Variants in LOXHD1 observed in about 807,000 individuals in gnomAD.
LOXHD1 encodes lipoxygenase homology domain-containing protein 1.
LOXHD1 carries 205 observed loss-of-function variants against 248.2 expected under a neutral mutation model. The ratio of observed to expected loss-of-function variants is 0.83; its 90% CI spans 0.74 to 0.93. The LOEUF (loss-of-function observed/expected upper bound fraction) is 0.93, where lower values mean the gene tolerates loss of function less well. LOXHD1 is among the 40% of genes least tolerant of loss of function. The pLI is 0.00. For synonymous variants in LOXHD1, 1,113 were observed against 1,162.8 expected, an observed-to-expected ratio of 0.96 and a Z score of 0.87; for missense variants, 2,930 against 2,971.6, an observed-to-expected ratio of 0.99 and a Z score of 0.33.
At position 46,639,765 on chromosome 18, in the gene LOXHD1, C is replaced by A; in HGVS notation, c.362G>T (p.Trp121Leu). The change falls in exon 4 of 41, where the codon TGG becomes TTG. Residue 121 changes from tryptophan (W) to leucine (L), a missense_variant. Physicochemically the swap from Trp to Leu is moderately conservative, Grantham distance 61. Coordinates refer to ENST00000642948, the MANE Select transcript of LOXHD1 (RefSeq NM_001384474.1). ...EHDNTGLNAS[W>L]YLDHVIVTDM... is the part of the protein sequence containing the mutation. The stretch of plus-strand genomic sequence containing the variant: ...GGTCACAATCACATGGTCCAGGTAC[C>A]AGCTGGCATTCAAGCCCGTGTTGTC... 1 of 1,551,706 alleles carries A rather than the reference C, an allele frequency of 6.4e-7. No individual in the cohort carries two copies. The highest frequency in any genetic ancestry group is 8.7e-7 in the Non-Finnish European group (1 of 1,147,008).
At chr18:46,503,687 A>G (rs972386245) in intron 37 of LOXHD1, among the ~76,000 whole-genome samples, 1 of 152,204 alleles carries the variant, frequency 6.6e-6, no homozygotes, top group African/African-American at 2.4e-5. Context: ...ATTTGCGAGT[A>G]TGTTTCTTTC....
At chr18:46,567,031 C>T (rs2037657102) in intron 16 of LOXHD1, among the ~76,000 whole-genome samples, 1 of 152,228 alleles carries the variant, frequency 6.6e-6, no homozygotes. Context: ...TTTCCAATAA[C>T]ACTCTATAAT....
chr18:46,492,912 A>G (rs548702081), intron 37 of LOXHD1, among the ~76,000 whole-genome samples: 1 of 152,218 alleles, frequency 6.6e-6, no homozygotes, highest in African/African-American at 2.4e-5. Flanking sequence ...ACAATGCTAT[A>G]ATATCCTTCC....
chr18:46,652,517 A>G (rs1309258698), intron 1 of LOXHD1, among the ~76,000 whole-genome samples: 1 of 152,222 alleles, frequency 6.6e-6, no homozygotes, highest in Non-Finnish European at 1.5e-5. Flanking sequence ...AGACACTGCC[A>G]TGTACCCACC....
chr18:46,588,047 C>T (rs189964685), intron 12 of LOXHD1, among the ~76,000 whole-genome samples: 36 of 152,254 alleles, frequency 2.4e-4, no homozygotes, highest in Admixed American at 5.2e-4. Context: ...AGACTCTCCT[C>T]TTAAGGGATT....
intron 1 of LOXHD1, among the ~76,000 whole-genome samples, chr18:46,651,360 A>G (rs1568235564): frequency 6.6e-6 from 1 of 152,144 alleles, no homozygotes; most frequent in Non-Finnish European, 1.5e-5. Flanking sequence ...TACCACAGGG[A>G]GGCTGATCAA....
intron 26 of LOXHD1, 51 bp downstream of exon 26, chr18:46,538,105 T>A: frequency 6.8e-7 from 1 of 1,472,072 alleles, no homozygotes; most frequent in Non-Finnish European, 9.2e-7. Flanking sequence ...GCTTCTCCTC[T>A]CCCTCTGTCT....
chr18:46,607,401 A>G lies in LOXHD1; in HGVS notation c.760-3172T>C, dbSNP rs1466992615. On this transcript the variant is annotated intron_variant, in intron 6 of 40. Coordinates refer to ENST00000642948, the MANE Select transcript of LOXHD1 (RefSeq NM_001384474.1). ...TATACATATATACGTACGTATATGT[A>G]CATATATACATATATATGGTGTCAT... is the stretch of plus-strand genomic sequence containing the variant. Among the ~76,000 whole-genome samples, 24 of 149,798 alleles carry G rather than the reference A, an allele frequency of 1.6e-4. 1 individual carries two copies. The highest frequency in any genetic ancestry group is 1.5e-3 in the Admixed American group (23 of 14,910).
intron 32 of LOXHD1, 108 bp from the exon 33 acceptor site, chr18:46,521,390 G>C: frequency 2.4e-6 from 3 of 1,237,280 alleles, no homozygotes; most frequent in East Asian, 5.1e-5. Context: ...CTGTGCACTT[G>C]CTGGCCCAGG....
chr18:46,601,651 C>T, intron 7 of LOXHD1, 184 bp from the exon 8 acceptor site: 6 of 768,950 alleles, frequency 7.8e-6, no homozygotes, highest in Non-Finnish European at 1.3e-5. Context: ...TTCATCTTTT[C>T]CAGAGTTTGT....
chr18:46,579,479 A>G lies in LOXHD1; in HGVS notation c.1809+151T>C, dbSNP rs1370827202. ...CCCAGTGGCTCTGCTGGGATTCCCC[A>G]GTTCCCCGCCCCCTTACCCAGAGTG... On this transcript the variant is annotated intron_variant, in intron 13 of 40. Transcript: ENST00000642948. 7.7e-6 allele frequency: 8 copies of G among 1,034,240 alleles called. No homozygotes were observed. In the Admixed American group the frequency reaches 1.9e-4, roughly 25 times the overall value. The allele number at this position is 1,034,240 out of a possible 1,614,324, so 64.1% of individuals were successfully genotyped here. A position where few individuals can be genotyped will look rare whatever the true frequency, so the allele number is the denominator to read the frequency against.
Position 46,607,781 on chromosome 18 carries a change from T to A in LOXHD1, c.759+2995A>T, listed in dbSNP as rs116635441. Among the ~76,000 whole-genome samples, 1,035 of 151,992 alleles carry A rather than the reference T, an allele frequency of 6.8e-3. 10 individuals carry two copies. The highest frequency in any genetic ancestry group is 0.024 in the African/African-American group (989 of 41,450). ...CTCAAGGAATGCAAAAAAGTAGAGATGACAGGAGTAAAGGGGAAGCTGCCG... is the reference window on the plus strand; with the variant it reads ...CTCAAGGAATGCAAAAAAGTAGAGAAGACAGGAGTAAAGGGGAAGCTGCCG... On this transcript the variant is annotated intron_variant, in intron 6 of 40. Transcript: ENST00000642948.
At chr18:46,542,306 C>G (rs1030719323) in intron 24 of LOXHD1, among the ~76,000 whole-genome samples, 1 of 152,150 alleles carries the variant, frequency 6.6e-6, no homozygotes, top group African/African-American at 2.4e-5. Context: ...CCTGTGTTTA[C>G]AAAAGCTTTA....
At chr18:46,559,386 G>T (rs1344540975) in intron 20 of LOXHD1, 62 bp downstream of exon 20, 5 of 1,550,946 alleles carry the variant, frequency 3.2e-6, no homozygotes, top group Non-Finnish European at 4.4e-6. Context: ...GGGCTGCCAT[G>T]GGAATCTCAG....
intron 21 of LOXHD1, among the ~76,000 whole-genome samples, chr18:46,556,935 C>T (rs1482955636): frequency 6.9e-6 from 1 of 143,892 alleles, no homozygotes; most frequent in Non-Finnish European, 1.5e-5. Context: ...TCCAGCTCAC[C>T]CTCAGCCTCA....
chr18:46,603,687 C>T (rs759052592), intron 7 of LOXHD1, among the ~76,000 whole-genome samples: 5 of 152,126 alleles, frequency 3.3e-5, no homozygotes, highest in Non-Finnish European at 7.4e-5. Flanking sequence ...GTGATGGGAA[C>T]AATAACAGTT....
intron 4 of LOXHD1, among the ~76,000 whole-genome samples, chr18:46,638,918 C>T (rs902356280): frequency 6.6e-6 from 1 of 152,168 alleles, no homozygotes; most frequent in African/African-American, 2.4e-5. Context: ...CCCTTCCCCT[C>T]TCATGGTCCA....
Position 46,477,788 on chromosome 18 carries a change from C to T in LOXHD1, c.6506G>A (p.Gly2169Asp). Residue 2169 changes from glycine (G) to aspartate (D), a missense_variant, in exon 41 of 41, where the codon GGC (glycine) becomes GAC (aspartate). Gly to Asp is a moderately conservative substitution (Grantham distance 94). Transcript: ENST00000642948. Reference sequence around the variant, plus strand: ...GGTCACGAAGACGTTGGCATCAGTGCCTGCCCCTGGCTCATAGCCTGTTGT... The same window carrying T: ...GGTCACGAAGACGTTGGCATCAGTGTCTGCCCCTGGCTCATAGCCTGTTGT... ...IVTTGYEPGA[G>D]TDANVFVTIF... is the part of the protein sequence containing the mutation. 1 of 1,551,866 alleles carries T rather than the reference C, an allele frequency of 6.4e-7. No homozygotes were observed. The highest frequency in any genetic ancestry group is 8.7e-7 in the Non-Finnish European group (1 of 1,147,036).
At chr18:46,497,142 G>A (rs867777873) in intron 37 of LOXHD1, among the ~76,000 whole-genome samples, 4 of 152,304 alleles carry the variant, frequency 2.6e-5, no homozygotes, top group Admixed American at 1.3e-4. Flanking sequence ...TGCCTACAAG[G>A]GGAAGAGGAT....
Sources: gnomAD v4.1 joint callset for allele counts (sites outside exome capture counted in the v4.1 genomes callset) on GRCh38, gnomAD v4.1.1 for gene constraint, MANE v1.5 for transcripts, NCBI Gene and HGNC (gene_info 2026-07-23, HGNC 2026-07-21) for gene names.